DMRT1: variants seen among roughly 807,000 people sequenced by gnomAD.
The protein encoded by DMRT1 is doublesex and mab-3 related transcription factor 1.
Under a neutral mutation model 32.3 loss-of-function variants are expected in DMRT1, and 7 were observed. The ratio of observed to expected loss-of-function variants is 0.22; its 90% CI spans 0.12 to 0.41. The LOEUF (loss-of-function observed/expected upper bound fraction) is 0.41, where lower values mean the gene tolerates loss of function less well. DMRT1 is among the 10% of genes least tolerant of loss of function. DMRT1 has a pLI of 1.00. For missense variants in DMRT1, 625 were observed against 500.5 expected, an observed-to-expected ratio of 1.25 and a Z score of -2.37; for synonymous variants, 278 against 206.1, an observed-to-expected ratio of 1.35 and a Z score of -2.99.
intron 4 of DMRT1, among the ~76,000 whole-genome samples, chr9:933,721 C>T (rs1176261719): frequency 6.6e-6 from 1 of 152,176 alleles, no homozygotes; most frequent in Non-Finnish European, 1.5e-5. Flanking sequence ...TGCTTTGTGG[C>T]TACAAGAGGC....
intron 4 of DMRT1, among the ~76,000 whole-genome samples, chr9:942,045 A>G (rs558752827): frequency 2.0e-5 from 3 of 152,248 alleles, no homozygotes; most frequent in Non-Finnish European, 4.4e-5. Context: ...AACATGAAAC[A>G]GAAGCCATCA....
At chr9:865,198 C>T (rs1462904169) in intron 2 of DMRT1, among the ~76,000 whole-genome samples, 1 of 152,080 alleles carries the variant, frequency 6.6e-6, no homozygotes, top group Non-Finnish European at 1.5e-5. Context: ...TTGAAGACAC[C>T]TGGGAAAAGA....
intron 4 of DMRT1, among the ~76,000 whole-genome samples, chr9:922,247 G>A (rs1381616987): frequency 6.6e-6 from 1 of 152,040 alleles, no homozygotes; most frequent in Admixed American, 6.6e-5. Flanking sequence ...AGACCACGGT[G>A]GGTTGGAAAC....
At chr9:860,283 C>T (rs766582796) in intron 2 of DMRT1, among the ~76,000 whole-genome samples, 6 of 151,900 alleles carry the variant, frequency 3.9e-5, no homozygotes, top group South Asian at 4.2e-4. Flanking sequence ...GGCGACAGAG[C>T]GAGACTCTGT....
At chr9:917,166 A>T (rs1038859477) in intron 4 of DMRT1, among the ~76,000 whole-genome samples, 3 of 152,182 alleles carry the variant, frequency 2.0e-5, no homozygotes, top group Admixed American at 2.0e-4. Flanking sequence ...CTTGGAAGCT[A>T]AAAATGTATT....
chr9:862,099 T>TGCTCCTCACTTCCCAGACTG (rs1406537659), intron 2 of DMRT1, among the ~76,000 whole-genome samples: 2 of 116,954 alleles, frequency 1.7e-5, no homozygotes, highest in Non-Finnish European at 4.1e-5. Context: ...CTAGACGGGG[T>TGCTCCTCACTTCCCAGACTG]GGCGGCTGGG....
rs1820024090 is a variant in DMRT1 at position 968,945 on chromosome 9, A to T, written c.*806A>T. On this transcript the variant is annotated 3_prime_UTR_variant, in exon 5 of 5. Coordinates refer to ENST00000382276, the MANE Select transcript of DMRT1 (RefSeq NM_021951.3). ...AGTACATCTTTAAAAGTTGCTACAG[A>T]TTTGAGTTCATGATTTTGTTAAAAA... 1 of 152,616 alleles carries T rather than the reference A, an allele frequency of 6.6e-6. No homozygotes were observed. Among genetic ancestry groups the T allele is most frequent in the Non-Finnish European group, 1.5e-5 (1 of 68,020 alleles). 9.5% of individuals were successfully genotyped at this position (152,616 alleles called of 1,614,324 possible). A position where few individuals can be genotyped will look rare whatever the true frequency, so the allele number is the denominator to read the frequency against.
chr9:860,394 CTGAAT>C (rs887773192), intron 2 of DMRT1, among the ~76,000 whole-genome samples: 15 of 132,724 alleles, frequency 1.1e-4, no homozygotes, highest in Admixed American at 8.2e-4. Context: ...TAAATGTTTG[CTGAAT>C]TGAATTGAAT....
At chr9:866,292 G>A (rs973329740) in intron 2 of DMRT1, among the ~76,000 whole-genome samples, 2 of 150,940 alleles carry the variant, frequency 1.3e-5, no homozygotes, top group African/African-American at 4.9e-5. Context: ...TTTAGAAATC[G>A]TCAGGACATT....
At chr9:897,344 C>A (rs1387577144) in intron 3 of DMRT1, among the ~76,000 whole-genome samples, 3 of 151,806 alleles carry the variant, frequency 2.0e-5, no homozygotes, top group East Asian at 1.9e-4. Context: ...TCTCAATCTC[C>A]TGACCTCGTG....
chr9:887,380 G>A (rs1564225208), intron 2 of DMRT1, among the ~76,000 whole-genome samples: 1 of 152,140 alleles, frequency 6.6e-6, no homozygotes, highest in Non-Finnish European at 1.5e-5. Flanking sequence ...TCTTAGGTCT[G>A]TTTTTTGTGC....
chr9:892,771 C>T (rs182043463), intron 2 of DMRT1, among the ~76,000 whole-genome samples: 115 of 152,216 alleles, frequency 7.6e-4, no homozygotes, highest in African/African-American at 2.3e-3. Context: ...GACTGAGGCC[C>T]GCCTCACCTT....
intron 4 of DMRT1, among the ~76,000 whole-genome samples, chr9:962,602 G>A (rs943545547): frequency 1.3e-5 from 2 of 151,964 alleles, no homozygotes; most frequent in African/African-American, 4.8e-5. Flanking sequence ...GCCATGCTGT[G>A]GTCCAGGAGG....
intron 3 of DMRT1, among the ~76,000 whole-genome samples, chr9:915,425 A>C (rs1220240135): frequency 6.6e-6 from 1 of 152,186 alleles, no homozygotes; most frequent in Non-Finnish European, 1.5e-5. Context: ...TCTTATATAA[A>C]AGCTATCTCA....
intron 3 of DMRT1, among the ~76,000 whole-genome samples, chr9:906,893 C>G (rs1332775573): frequency 6.6e-6 from 1 of 152,124 alleles, no homozygotes; most frequent in African/African-American, 2.4e-5. Context: ...GTACTTAATT[C>G]CTTGGGACCA....
intron 2 of DMRT1, among the ~76,000 whole-genome samples, chr9:861,675 A>T (rs10125879): frequency 1.4e-4 from 13 of 90,746 alleles, no homozygotes; most frequent in Admixed American, 1.1e-4. Flanking sequence ...CCAGACGGGG[A>T]AGCCGGGCAG....
chr9:878,200 G>GACCCCCCCCC (rs149257815), intron 2 of DMRT1, among the ~76,000 whole-genome samples: 1 of 94,040 alleles, frequency 1.1e-5, no homozygotes, highest in Non-Finnish European at 2.0e-5. Flanking sequence ...TGCAGCTGCT[G>GACCCCCCCCC]CCCCCCCCCC....
chr9:920,298 C>T (rs916987036), intron 4 of DMRT1, among the ~76,000 whole-genome samples: 16 of 151,994 alleles, frequency 1.1e-4, no homozygotes, highest in Admixed American at 3.3e-4. Flanking sequence ...TGTTTATGGC[C>T]CTGTAGATGA....
At position 968,055 on chromosome 9, in the gene DMRT1, G is replaced by T. The variant is rs146782823; in HGVS notation, c.1038G>T (p.Lys346Asn). Residue 346 changes from lysine (K) to asparagine (N), a missense_variant, in exon 5 of 5, where the codon AAG (lysine) becomes AAT (asparagine). Transcript: ENST00000382276. ...SLSSSSPISN[K>N]STKAVLECEP... is the part of the protein sequence containing the mutation. ...CGAGCAGCTCTCCTATTAGTAACAA[G>T]AGCACAAAGGCAGTGCTTGAATGTG... 20 of 1,614,118 alleles carry T rather than the reference G, an allele frequency of 1.2e-5. No individual in the cohort carries two copies. The highest frequency in any genetic ancestry group is 1.7e-5 in the Non-Finnish European group (20 of 1,180,030).
Sources: gnomAD v4.1 joint callset for allele counts (sites outside exome capture counted in the v4.1 genomes callset) on GRCh38, gnomAD v4.1.1 for gene constraint, MANE v1.5 for transcripts, NCBI Gene and HGNC (gene_info 2026-07-23, HGNC 2026-07-21) for gene names.